FXR1: variants seen among roughly 807,000 people sequenced by gnomAD.
FXR1 encodes the protein RNA-binding protein FXR1.
Under a neutral mutation model 84.0 loss-of-function variants are expected in FXR1, and 15 were observed. The ratio of observed to expected loss-of-function variants is 0.18; its 90% CI spans 0.12 to 0.27. The LOEUF (loss-of-function observed/expected upper bound fraction) is 0.27, where lower values mean the gene tolerates loss of function less well. Among genes scored for constraint, FXR1 ranks in the 10% least tolerant of loss-of-function variants. The pLI is 1.00. For synonymous variants in FXR1, 245 were observed against 250.7 expected, an observed-to-expected ratio of 0.98 and a Z score of 0.21; for missense variants, 480 against 774.4, an observed-to-expected ratio of 0.62 and a Z score of 4.51.
intron 8 of FXR1, among the ~76,000 whole-genome samples, chr3:180,952,248 G>A (rs1183419044): frequency 1.3e-5 from 2 of 152,046 alleles, no homozygotes; most frequent in Non-Finnish European, 2.9e-5. Context: ...GTGAGCCACC[G>A]TGCCTGGCCT....
rs1248456443 is a variant in FXR1 at position 180,977,302 on chromosome 3, A to T, written c.*1010A>T. ...CATTAAAATGTCAGTTGGCCATTTA[A>T]TCATTTTGTAATGAATCATCTGAAA... On this transcript the variant is annotated 3_prime_UTR_variant, in exon 17 of 17. Transcript: ENST00000357559. 6.6e-6 allele frequency: 1 copy of T among 152,506 alleles called. No individual in the cohort carries two copies. Among genetic ancestry groups the T allele is most frequent in the Non-Finnish European group, 1.5e-5 (1 of 67,992 alleles). 9.4% of individuals were successfully genotyped at this position (152,506 alleles called of 1,614,324 possible).
chr3:180,967,648 C>T (rs1324697930), intron 13 of FXR1, among the ~76,000 whole-genome samples: 1 of 151,322 alleles, frequency 6.6e-6, no homozygotes, highest in East Asian at 1.9e-4. Flanking sequence ...TGCATTTCTG[C>T]ACATCAGTTT....
Position 180,961,521 on chromosome 3 carries a change from G to T in FXR1, c.1044G>T (p.Gln348His). The change falls in exon 11 of 17, where the codon CAG (glutamine) becomes CAT (histidine). Residue 348 changes from glutamine to histidine, a missense_variant. By Grantham distance (24) the Gln-to-His change is conservative. Around this residue, in one of 6 missense-constraint regions of FXR1, gnomAD observed 33 missense variants for 42.4 expected, o/e 0.78. Coordinates refer to ENST00000357559, the MANE Select transcript of FXR1 (RefSeq NM_005087.4). ...CTAAAGAAAGCATTGGAAATGTGCAGGTTCTTCTAGAGTATCATATTGCCT... is the reference window on the plus strand; with the variant it reads ...CTAAAGAAAGCATTGGAAATGTGCATGTTCTTCTAGAGTATCATATTGCCT... ...VGTKESIGNV[Q>H]VLLEYHIAYL... is the part of the protein sequence containing the mutation. 1 of 1,557,584 alleles carries T rather than the reference G, an allele frequency of 6.4e-7. No homozygotes were observed.
chr3:180,944,267 C>T (rs978131320), intron 3 of FXR1, among the ~76,000 whole-genome samples: 11 of 151,682 alleles, frequency 7.3e-5, no homozygotes, highest in African/African-American at 1.5e-4. Context: ...CATCACTGAT[C>T]GTTTACCAAA....
chr3:180,915,670 G>C (rs761383900), intron 1 of FXR1: 1 of 702,190 alleles, frequency 1.4e-6, no homozygotes, highest in African/African-American at 1.8e-5. Context: ...CTCTTACCCC[G>C]TATAGGCAGA....
intron 3 of FXR1, among the ~76,000 whole-genome samples, chr3:180,941,157 CT>C (rs764407614): frequency 2.0e-5 from 3 of 150,980 alleles, no homozygotes; most frequent in Non-Finnish European, 4.4e-5. Context: ...TAAGACACTC[CT>C]TTCTTTTACA....
chr3:180,963,130 A>G (rs373539233), intron 13 of FXR1, 40 bp downstream of exon 13: 9 of 791,884 alleles, frequency 1.1e-5, no homozygotes, highest in Admixed American at 4.4e-5. Context: ...GGTAATAGTA[A>G]TAATAGTAGT....
At chr3:180,921,035 T>C (rs968460530) in intron 1 of FXR1, among the ~76,000 whole-genome samples, 5 of 152,182 alleles carry the variant, frequency 3.3e-5, no homozygotes, top group African/African-American at 7.2e-5. Context: ...TAATGAATGC[T>C]GAATGCTTGC....
intron 1 of FXR1, among the ~76,000 whole-genome samples, chr3:180,931,957 T>G (rs886434360): frequency 2.6e-5 from 4 of 151,244 alleles, no homozygotes; most frequent in Admixed American, 6.6e-5. Context: ...CCTAGGATGG[T>G]CTCGAACTCT....
intron 1 of FXR1, among the ~76,000 whole-genome samples, chr3:180,925,110 T>A (rs764946425): frequency 2.0e-5 from 3 of 152,016 alleles, no homozygotes; most frequent in Non-Finnish European, 4.4e-5. Context: ...ACGCCTGTAA[T>A]CCCAGCACTT....
intron 14 of FXR1, among the ~76,000 whole-genome samples, chr3:180,968,794 T>C (rs534969991): frequency 5.0e-4 from 76 of 152,168 alleles, no homozygotes; most frequent in Non-Finnish European, 9.9e-4. Context: ...TTTGAGGGTG[T>C]AGGAAACGTT....
At chr3:180,954,806 C>G (rs968620812) in intron 9 of FXR1, among the ~76,000 whole-genome samples, 2 of 147,422 alleles carry the variant, frequency 1.4e-5, no homozygotes, top group Non-Finnish European at 3.0e-5. Flanking sequence ...TAGCTACGGA[C>G]ATTCTATTTG....
chr3:180,935,415 T>TC (rs1720409294), intron 3 of FXR1, among the ~76,000 whole-genome samples, 184 bp downstream of exon 3: 1 of 152,196 alleles, frequency 6.6e-6, no homozygotes, highest in Admixed American at 6.6e-5. Context: ...GTCTCACCTG[T>TC]CCCATTTTTA....
At chr3:180,926,383 A>G (rs1194651003) in intron 1 of FXR1, among the ~76,000 whole-genome samples, 1 of 151,392 alleles carries the variant, frequency 6.6e-6, no homozygotes, top group African/African-American at 2.4e-5. Flanking sequence ...CTTTACCATG[A>G]AACTTTTAAT....
chr3:180,968,656 C>T (rs1179487817), intron 14 of FXR1, among the ~76,000 whole-genome samples: 2 of 152,052 alleles, frequency 1.3e-5, no homozygotes, highest in Admixed American at 6.5e-5. Flanking sequence ...ATATTGAAAA[C>T]GAAGTGAAGA....
rs547053257 is a variant in FXR1, at chr3:180,977,845, A to G, written c.*1553A>G. On this transcript the variant is annotated 3_prime_UTR_variant, in exon 17 of 17. Transcript: ENST00000357559. ...TTCAGGGTATAGTTAAAAATGTACA[A>G]TGTGCCAGTTCAGTATATATAACCC... is the stretch of plus-strand genomic sequence containing the variant. 5 of 152,214 alleles carry G rather than the reference A, an allele frequency of 3.3e-5. No homozygotes were observed. The highest frequency in any genetic ancestry group is 2.1e-4 in the South Asian group (1 of 4,832). 9.4% of individuals were successfully genotyped at this position (152,214 alleles called of 1,614,324 possible). A position where few individuals can be genotyped will look rare whatever the true frequency, so the allele number is the denominator to read the frequency against.
intron 1 of FXR1, among the ~76,000 whole-genome samples, chr3:180,922,243 G>A (rs1445711025): frequency 3.3e-5 from 5 of 152,090 alleles, no homozygotes; most frequent in African/African-American, 7.2e-5. Flanking sequence ...TTGAAAGATT[G>A]CTTTCCAAAA....
chr3:180,967,343 T>G (rs1351671069), intron 13 of FXR1, among the ~76,000 whole-genome samples: 3 of 152,140 alleles, frequency 2.0e-5, no homozygotes, highest in Admixed American at 6.6e-5. Context: ...AATATCTTGA[T>G]TTCAGAGATG....
chr3:180,971,601 A>G (rs774072768), intron 15 of FXR1: 1 of 152,652 alleles, frequency 6.6e-6, no homozygotes, highest in Non-Finnish European at 1.5e-5. Context: ...AAAAAAAAGT[A>G]TAAAAGAGAA....
Sources: gnomAD v4.1 joint callset for allele counts (sites outside exome capture counted in the v4.1 genomes callset) on GRCh38, gnomAD v4.1.1 for gene constraint, gnomAD v4.1.1 regional missense constraint, MANE v1.5 for transcripts, NCBI Gene and HGNC (gene_info 2026-07-23, HGNC 2026-07-21) for gene names.